Variants in MAN2A1 observed in about 807,000 individuals in gnomAD.
MAN2A1 encodes the protein alpha-mannosidase 2.
Under a neutral mutation model 142.6 loss-of-function variants are expected in MAN2A1, and 76 were observed. The ratio of observed to expected loss-of-function variants is 0.53; its 90% CI spans 0.44 to 0.65. MAN2A1 has a LOEUF of 0.65. Ranked by LOEUF, MAN2A1 falls within the 30% of genes least tolerant of loss-of-function variation. The pLI is 0.00. For synonymous variants in MAN2A1, 559 were observed against 473.2 expected (o/e 1.18, Z -2.35); for missense variants, 1,311 against 1,365.1 (o/e 0.96, Z 0.62).
chr5:109,826,221 A>G (rs1470624345), intron 16 of MAN2A1, among the ~76,000 whole-genome samples: 1 of 151,072 alleles, frequency 6.6e-6, no homozygotes, highest in Non-Finnish European at 1.5e-5. Context: ...TTCTTTTTTC[A>G]TGTGTTTCCT....
rs752865225 is a variant in MAN2A1 at position 109,713,618 on chromosome 5, T to C, written c.234T>C (p.Asn78=). The C allele has an allele frequency of 6.2e-7, 1 of 1,614,096 alleles. No homozygotes were observed. Among genetic ancestry groups the C allele is most frequent in the Non-Finnish European group, 8.5e-7 (1 of 1,179,912 alleles). The part of the protein sequence containing the change: ...IISNIRDSVI[N]LSESVEDGPK... Reference sequence around the variant, plus strand: ...CAAATATTAGAGACTCAGTCATCAATTTGAGTGAGTCTGTGGAGGATGGTC... The same window carrying C: ...CAAATATTAGAGACTCAGTCATCAACTTGAGTGAGTCTGTGGAGGATGGTC... The change falls in exon 2 of 22, where the codon AAT becomes AAC. Residue 78 remains asparagine, a synonymous_variant. Coordinates refer to ENST00000261483, the MANE Select transcript of MAN2A1 (RefSeq NM_002372.4).
Position 109,847,703 on chromosome 5 carries a change from T to G in MAN2A1, c.2889T>G (p.Asn963Lys). 3 of 1,600,670 alleles carry G rather than the reference T, an allele frequency of 1.9e-6. No homozygotes were observed. Among genetic ancestry groups the G allele is most frequent in the Non-Finnish European group, 2.6e-6 (3 of 1,173,908 alleles). The change falls in exon 19 of 22, where the codon AAT becomes AAG. Residue 963 changes from asparagine (N) to lysine (K), a missense_variant. Transcript: ENST00000261483. The stretch of plus-strand genomic sequence containing the variant: ...ATCGAAGACTCATGCAAGATGATAA[T>G]CGTGGCCTTGAGCAAGGTATCCAGG... Reference protein sequence around the residue: ...IMDRRLMQDDNRGLEQGIQDN... With the variant: ...IMDRRLMQDDKRGLEQGIQDN...
chr5:109,839,416 G>A (rs1211941987), intron 16 of MAN2A1, among the ~76,000 whole-genome samples: 1 of 151,910 alleles, frequency 6.6e-6, no homozygotes, highest in African/African-American at 2.4e-5. Context: ...AGATATTTGG[G>A]TCATCTATCT....
At chr5:109,779,206 T>G (rs1386332334) in intron 8 of MAN2A1, among the ~76,000 whole-genome samples, 1 of 152,178 alleles carries the variant, frequency 6.6e-6, no homozygotes. Flanking sequence ...GAAAGCCTAC[T>G]AGGCTACTTA....
intron 12 of MAN2A1, among the ~76,000 whole-genome samples, chr5:109,800,129 A>G (rs1162367838): frequency 2.6e-5 from 4 of 151,120 alleles, no homozygotes; most frequent in East Asian, 3.9e-4. Flanking sequence ...TCACCTCTAG[A>G]TGCACCCGAA....
chr5:109,719,998 T>A (rs1042818529), intron 3 of MAN2A1, among the ~76,000 whole-genome samples: 2 of 152,172 alleles, frequency 1.3e-5, no homozygotes, highest in Non-Finnish European at 2.9e-5. Flanking sequence ...GACCATGAAA[T>A]TAAATGTTAG....
chr5:109,840,260 A>G (rs1323661543), intron 16 of MAN2A1: 4 of 278,306 alleles, frequency 1.4e-5, no homozygotes, highest in Non-Finnish European at 2.8e-5. Context: ...CAATTTGAAG[A>G]GTTTTTCATA....
chr5:109,828,118 AG>A (rs1458206564), intron 16 of MAN2A1, among the ~76,000 whole-genome samples: 28 of 143,368 alleles, frequency 2.0e-4, no homozygotes, highest in Admixed American at 6.3e-4. Flanking sequence ...AAAAAAAAAA[AG>A]AAAAAAAGAA....
chr5:109,724,972 A>G (rs147456929), intron 3 of MAN2A1, among the ~76,000 whole-genome samples: 1,930 of 152,076 alleles, frequency 0.013, 16 homozygotes, highest in Non-Finnish European at 0.017. Context: ...CTTTTTTCCT[A>G]GTCCTTTTGG....
At chr5:109,821,100 C>A (rs552540190) in intron 15 of MAN2A1, among the ~76,000 whole-genome samples, 1 of 152,206 alleles carries the variant, frequency 6.6e-6, no homozygotes, top group South Asian at 2.1e-4. Context: ...CTAAAGAAAA[C>A]ATTAAAATTT....
intron 4 of MAN2A1, among the ~76,000 whole-genome samples, 198 bp from the exon 5 acceptor site, chr5:109,755,131 A>C (rs1249265516): frequency 6.6e-6 from 1 of 152,212 alleles, no homozygotes; most frequent in Non-Finnish European, 1.5e-5. Flanking sequence ...GCAGAAGGGC[A>C]GGGGTTACCT....
At chr5:109,793,984 T>G (rs1183077303) in intron 12 of MAN2A1, among the ~76,000 whole-genome samples, 3 of 152,208 alleles carry the variant, frequency 2.0e-5, no homozygotes, top group African/African-American at 7.2e-5. Flanking sequence ...TTTTCTTATG[T>G]TATCAATATA....
At position 109,690,366 on chromosome 5, in the gene MAN2A1, GC is replaced by G. The variant is rs1750629203; in HGVS notation, c.-51del. The G allele has an allele frequency of 6.2e-7, 1 of 1,603,560 alleles. No homozygotes were observed. The highest frequency in any genetic ancestry group is 1.3e-5 in the African/African-American group (1 of 74,822). On this transcript the variant is annotated 5_prime_UTR_variant, in exon 1 of 22. Coordinates refer to ENST00000261483, the MANE Select transcript of MAN2A1 (RefSeq NM_002372.4). ...GGCTGCTTCCTAGAGTCCACAGTGC[GC>G]TGTCTCCTTTGGCTGAGGAGAGTGT... is the stretch of plus-strand genomic sequence containing the variant.
intron 4 of MAN2A1, among the ~76,000 whole-genome samples, chr5:109,734,277 C>T (rs551154891): frequency 2.0e-4 from 29 of 147,528 alleles, no homozygotes; most frequent in African/African-American, 5.5e-4. Context: ...GTCTTGCTAG[C>T]GGTCTATCAA....
intron 4 of MAN2A1, among the ~76,000 whole-genome samples, chr5:109,736,525 A>G (rs1216282444): frequency 6.6e-6 from 1 of 152,128 alleles, no homozygotes; most frequent in Non-Finnish European, 1.5e-5. Context: ...TCTAAAAAAA[A>G]AGTTTTTTTT....
intron 2 of MAN2A1, among the ~76,000 whole-genome samples, chr5:109,715,228 A>G (rs1343402434): frequency 1.3e-5 from 2 of 151,920 alleles, no homozygotes; most frequent in Non-Finnish European, 2.9e-5. Context: ...TATATTCCAT[A>G]GGGAGATAAA....
At chr5:109,753,857 G>C (rs961997707) in intron 4 of MAN2A1, among the ~76,000 whole-genome samples, 3 of 151,380 alleles carry the variant, frequency 2.0e-5, no homozygotes, top group African/African-American at 7.3e-5. Flanking sequence ...TTGCAGGCTG[G>C]CAAGTCTGTG....
chr5:109,760,273 A>T (rs560822014), intron 5 of MAN2A1, among the ~76,000 whole-genome samples: 1 of 152,198 alleles, frequency 6.6e-6, no homozygotes, highest in Admixed American at 6.5e-5. Context: ...GCTGAGAATG[A>T]TGGTTTCCAG....
Position 109,703,213 on chromosome 5 carries a change from ATTGT to A in MAN2A1, c.136-10302_136-10299del, listed in dbSNP as rs112307258. On this transcript the variant is annotated intron_variant, in intron 1 of 21. Transcript: ENST00000261483. ...ACAATTATTTTCTTTTTGTTTTGAA[ATTGT>A]TTGTCAAAATTACTTGTTTAAAATT... Among the ~76,000 whole-genome samples the A allele has an allele frequency of 5.3e-4, 81 of 152,332 alleles. 1 individual carries two copies. The highest frequency in any genetic ancestry group is 1.8e-3 in the African/African-American group (73 of 41,580).
Sources: allele counts gnomAD v4.1 joint callset (sites outside exome capture counted in the v4.1 genomes callset), GRCh38; gene constraint gnomAD v4.1.1; transcripts MANE v1.5; gene names NCBI Gene and HGNC (gene_info 2026-07-23, HGNC 2026-07-21).